Variants in TMEM144 observed in about 807,000 individuals in gnomAD.
TMEM144 encodes the protein transmembrane protein 144.
Under a neutral mutation model 43.6 loss-of-function variants are expected in TMEM144, and 39 were observed. The ratio of observed to expected loss-of-function variants is 0.90; its 90% CI spans 0.69 to 1.17. The LOEUF (loss-of-function observed/expected upper bound fraction) is 1.17. TMEM144 is among the 50% of genes most tolerant of loss of function. The pLI is 0.00. For missense variants in TMEM144, 417 were observed against 411.9 expected, an observed-to-expected ratio of 1.01 and a Z score of -0.11; for synonymous variants, 154 against 133.6, an observed-to-expected ratio of 1.15 and a Z score of -1.06.
chr4:158,248,323 T>C lies in TMEM144; in HGVS notation c.954+3974T>C, dbSNP rs1328924. On this transcript the variant is annotated intron_variant, in intron 12 of 12. Coordinates refer to ENST00000296529, the MANE Select transcript of TMEM144 (RefSeq NM_018342.5). The stretch of plus-strand genomic sequence containing the variant: ...GGTGCATGCCTCTAGTCCCAGCTGT[T>C]TGGGAGGCTGAGATGGGAAGATGGC... Among the ~76,000 whole-genome samples, 1,351 of 152,108 alleles carry C rather than the reference T, an allele frequency of 8.9e-3. 21 individuals are homozygous for C. The highest frequency in any genetic ancestry group is 0.03 in the African/African-American group (1,247 of 41,496).
intron 11 of TMEM144, among the ~76,000 whole-genome samples, chr4:158,244,093 C>T (rs551408144): frequency 2.0e-5 from 3 of 151,966 alleles, no homozygotes; most frequent in South Asian, 2.1e-4. Context: ...AAAATGAAGA[C>T]CATGAAGAAA....
rs771103497 is a variant in TMEM144, at chr4:158,253,518, T to TA, written c.1033dup (p.Ile345AsnfsTer14). ...CTGGAGCCTTATGCACTGCTTTTTC[T>TA]AAAATCTAACAATGACAAAACCAGC... is the stretch of plus-strand genomic sequence containing the variant. On this transcript the variant is annotated frameshift_variant, in exon 13 of 13. Transcript: ENST00000296529. LOFTEE classifies it high-confidence loss of function. 5 of 1,613,576 alleles carry TA rather than the reference T, an allele frequency of 3.1e-6. No individual in the cohort carries two copies. Among genetic ancestry groups the TA allele is most frequent in the East Asian group, 4.5e-5 (2 of 44,870 alleles).
At chr4:158,250,831 A>G (rs1736166529) in intron 12 of TMEM144, among the ~76,000 whole-genome samples, 1 of 152,110 alleles carries the variant, frequency 6.6e-6, no homozygotes, top group African/African-American at 2.4e-5. Flanking sequence ...TCCCCCCAAC[A>G]AGTCAGTCAA....
Position 158,217,324 on chromosome 4 carries a change from A to G in TMEM144, c.236A>G (p.Asn79Ser). The G allele has an allele frequency of 1.2e-6, 2 of 1,604,758 alleles. No homozygotes were observed. Residue 79 changes from asparagine to serine, a missense_variant, in exon 5 of 13, where the codon AAC becomes AGC. Transcript: ENST00000296529. ...CTTCTGTATATTACATCTACAGGGA[A>G]CATTGCTGTTGTCCCAATTATCAAA... Reference protein sequence around the residue: ...MLGGCIWATGNIAVVPIIKTI... With the variant: ...MLGGCIWATGSIAVVPIIKTI...
Position 158,254,097 on chromosome 4 carries a change from C to T in TMEM144, c.*570C>T, listed in dbSNP as rs1736353647. The T allele has an allele frequency of 6.6e-6, 1 of 152,380 alleles. No individual in the cohort carries two copies. The highest frequency in any genetic ancestry group is 6.5e-5 in the Admixed American group (1 of 15,302). 9.4% of individuals were successfully genotyped at this position (152,380 alleles called of 1,614,324 possible). On this transcript the variant is annotated 3_prime_UTR_variant, in exon 13 of 13. Transcript: ENST00000296529. ...TTTATTTCAAGTTAATATCGCCCAA[C>T]TCTACATCATCTACCCATTTTAGCT...
intron 6 of TMEM144, among the ~76,000 whole-genome samples, chr4:158,229,831 C>T (rs1734980296): frequency 6.6e-6 from 1 of 152,226 alleles, no homozygotes; most frequent in Non-Finnish European, 1.5e-5. Context: ...GGATCAAGCT[C>T]TCCAGCCTCC....
At chr4:158,227,866 A>G (rs1236244956) in intron 6 of TMEM144, among the ~76,000 whole-genome samples, 4 of 152,088 alleles carry the variant, frequency 2.6e-5, no homozygotes, top group Non-Finnish European at 5.9e-5. Flanking sequence ...TCCTGGTGTC[A>G]TAGTACTCCA....
intron 12 of TMEM144, among the ~76,000 whole-genome samples, chr4:158,247,341 T>C (rs1735942349): frequency 6.6e-6 from 1 of 151,934 alleles, no homozygotes; most frequent in Non-Finnish European, 1.5e-5. Flanking sequence ...ATATTTCCTA[T>C]AGATCTAGCT....
In TMEM144 at chr4:158,247,448, CATT is replaced by C. The variant is rs1418623439; in HGVS notation, c.954+3100_954+3102del. On this transcript the variant is annotated intron_variant, in intron 12 of 12. Transcript: ENST00000296529. ...AGATTACATTTTTAAAAAATGTACA[CATT>C]GTGATTTCAATTTATTGGTGACAAA... is the stretch of plus-strand genomic sequence containing the variant. 3.3e-5 allele frequency among the ~76,000 whole-genome samples: 5 copies of C among 151,866 alleles called. No individual in the cohort carries two copies. In the East Asian group the frequency reaches 9.7e-4, roughly 29 times the overall value.
At chr4:158,245,129 T>A (rs1160374926) in intron 12 of TMEM144, among the ~76,000 whole-genome samples, 1 of 151,874 alleles carries the variant, frequency 6.6e-6, no homozygotes, top group African/African-American at 2.4e-5. Context: ...GAAAACAGCA[T>A]GGTAACAGGA....
At chr4:158,225,643 T>G (rs866181955) in intron 6 of TMEM144, among the ~76,000 whole-genome samples, 5 of 152,236 alleles carry the variant, frequency 3.3e-5, no homozygotes, top group Non-Finnish European at 1.5e-5. Context: ...CCAAATGGAC[T>G]AAAGCACAAG....
In TMEM144 at chr4:158,244,413, G is replaced by A. The variant is rs375515991; in HGVS notation, c.954+64G>A. ...GGGTAGGCCGGGCGTGGTGGCTCAC[G>A]CTTGTCCTGGCACTTTGGGAGGCCG... On this transcript the variant is annotated intron_variant, in intron 12 of 12. Transcript: ENST00000296529. 3.4e-5 allele frequency: 46 copies of A among 1,355,594 alleles called. No individual in the cohort carries two copies. In the African/African-American group the frequency reaches 4.1e-4, roughly 12 times the overall value. The allele number at this position is 1,355,594 out of a possible 1,614,324, so 84.0% of individuals were successfully genotyped here.
intron 4 of TMEM144, among the ~76,000 whole-genome samples, chr4:158,215,715 G>C (rs544267693): frequency 1.3e-5 from 2 of 152,250 alleles, no homozygotes; most frequent in South Asian, 4.1e-4. Flanking sequence ...TTAGGCCAAT[G>C]TGAAGATACT....
In TMEM144 at chr4:158,211,556, C is replaced by A. The variant is rs1733961351; in HGVS notation, c.-79C>A. 2 of 152,270 alleles carry A rather than the reference C, an allele frequency of 1.3e-5. No individual in the cohort carries two copies. Among genetic ancestry groups the A allele is most frequent in the Non-Finnish European group, 2.9e-5 (2 of 68,066 alleles). 9.4% of individuals were successfully genotyped at this position (152,270 alleles called of 1,614,324 possible). ...AGCAGCAAGCACCTGCCTCAGCTGA[C>A]CCTTGAGCCATAACCCATGTAAGTC... is the stretch of plus-strand genomic sequence containing the variant. On this transcript the variant is annotated 5_prime_UTR_variant, in exon 2 of 13. Coordinates refer to ENST00000296529, the MANE Select transcript of TMEM144 (RefSeq NM_018342.5).
chr4:158,240,381 A>G lies in TMEM144; in HGVS notation c.765A>G (p.Lys255=). ...VYFLAYCIAM[K]NSPKLYPEAV... ...TTCTGGCCTACTGCATAGCCATGAA[A>G]AATAGTCCTAAACTATATCCTGAAG... is the stretch of plus-strand genomic sequence containing the variant. The change falls in exon 10 of 13, where the codon AAA becomes AAG. Residue 255 remains lysine, a synonymous_variant. Transcript: ENST00000296529. 1 of 1,613,930 alleles carries G rather than the reference A, an allele frequency of 6.2e-7. No individual in the cohort carries two copies. Among genetic ancestry groups the G allele is most frequent in the South Asian group, 1.1e-5 (1 of 91,048 alleles).
chr4:158,254,887 C>T lies in TMEM144; in HGVS notation c.*1360C>T, dbSNP rs17037314. The T allele has an allele frequency of 0.18, 27,384 of 152,050 alleles. 2,529 individuals carry two copies. The highest frequency in any genetic ancestry group is 0.25 in the Middle Eastern group (74 of 294). 9.4% of individuals were successfully genotyped at this position (152,050 alleles called of 1,614,324 possible). A position where few individuals can be genotyped will look rare whatever the true frequency, so the allele number is the denominator to read the frequency against. ...AAGTTCCTAAGCCCTCTGTGTCAGGCCCCTCATTAACAAAATGGAGTTTAT... is the reference window on the plus strand; with the variant it reads ...AAGTTCCTAAGCCCTCTGTGTCAGGTCCCTCATTAACAAAATGGAGTTTAT... On this transcript the variant is annotated 3_prime_UTR_variant, in exon 13 of 13. Transcript: ENST00000296529.
At position 158,241,504 on chromosome 4, in the gene TMEM144, TTCAGGATTCCTG is replaced by T; in HGVS notation, c.805_816del (p.Phe269_Gly272del). The stretch of plus-strand genomic sequence containing the variant: ...CTGCAAATGTGTGTTGTCTTTGTAT[TTCAGGATTCCTG>T]TCAGGAGTACTTTGGGCTATAGCTA... On this transcript the variant is annotated splice_acceptor_variant and splice_polypyrimidine_tract_variant and coding_sequence_variant and intron_variant, in exon 11 of 13. Transcript: ENST00000296529. LOFTEE classifies it high-confidence loss of function. The T allele has an allele frequency of 1.9e-6, 3 of 1,612,260 alleles. No homozygotes were observed. In the East Asian group the frequency reaches 6.7e-5, roughly 36 times the overall value.
At chr4:158,212,949 A>C (rs1361747404) in intron 3 of TMEM144, 173 bp downstream of exon 3, 28 of 640,792 alleles carry the variant, frequency 4.4e-5, no homozygotes, top group Non-Finnish European at 7.1e-5. Flanking sequence ...TGAAAGTCAG[A>C]ATAGGAGAAC....
intron 12 of TMEM144, among the ~76,000 whole-genome samples, chr4:158,250,870 T>C (rs1216841387): frequency 6.6e-6 from 1 of 152,184 alleles, no homozygotes; most frequent in Non-Finnish European, 1.5e-5. Flanking sequence ...AGCATTCTAT[T>C]CCCACTACCT....
Sources: allele counts gnomAD v4.1 joint callset (sites outside exome capture counted in the v4.1 genomes callset), GRCh38; gene constraint gnomAD v4.1.1; transcripts MANE v1.5; gene names NCBI Gene and HGNC (gene_info 2026-07-23, HGNC 2026-07-21).